The following GPC4 variants were observed in gnomAD, a reference collection of about 807,000 sequenced individuals.
The protein encoded by GPC4 is glypican-4.
GPC4 carries 10 observed loss-of-function variants against 35.0 expected under a neutral mutation model. The ratio of observed to expected loss-of-function variants is 0.29; its 90% CI spans 0.18 to 0.48. GPC4 has a LOEUF of 0.48. Ranked by LOEUF, GPC4 falls within the 20% of genes least tolerant of loss-of-function variation. The pLI, the probability that GPC4 is intolerant of heterozygous loss-of-function variation, is 0.99. For synonymous variants in GPC4, 167 were observed against 170.2 expected (o/e 0.98, Z 0.15); for missense variants, 322 against 451.3 (o/e 0.71, Z 2.60).
chrX:133,356,631 C>A (rs1007964574), intron 1 of GPC4, among the ~76,000 whole-genome samples: 13 of 111,311 alleles, frequency 1.2e-4, no homozygotes, highest in Admixed American at 9.6e-4. Context: ...GCTCCCCTTC[C>A]CCTTCCACCA....
At chrX:133,317,630 C>T (rs1034856809) in intron 3 of GPC4, among the ~76,000 whole-genome samples, 8 of 111,829 alleles carry the variant, frequency 7.2e-5, no homozygotes, top group Non-Finnish European at 1.5e-4. Flanking sequence ...TTTATTTCAC[C>T]TCCTAACATA....
rs183333923 is a variant in GPC4, at chrX:133,316,680, C to G, written c.712-5257G>C. On this transcript the variant is annotated intron_variant, in intron 3 of 8. Coordinates refer to ENST00000370828, the MANE Select transcript of GPC4 (RefSeq NM_001448.3). ...GATGAGATAACATTGTTTAGTAAAACAATAATGACTTACTGAGCCAGTGCT... is the reference window on the plus strand; with the variant it reads ...GATGAGATAACATTGTTTAGTAAAAGAATAATGACTTACTGAGCCAGTGCT... Among the ~76,000 whole-genome samples the G allele has an allele frequency of 3.6e-5, 4 of 111,595 alleles. No individual in the cohort carries two copies. In the Admixed American group the frequency reaches 3.8e-4, roughly 11 times the overall value.
intron 1 of GPC4, among the ~76,000 whole-genome samples, chrX:133,376,926 TGGAAG>T (rs2068636155): frequency 8.9e-6 from 1 of 111,871 alleles, no homozygotes; most frequent in Admixed American, 9.5e-5. Flanking sequence ...ACGCTTCTCC[TGGAAG>T]GCCTTCAACC....
At chrX:133,330,438 A>T (rs144663494) in intron 2 of GPC4, among the ~76,000 whole-genome samples, 246 of 112,167 alleles carry the variant, frequency 2.2e-3, no homozygotes, top group African/African-American at 6.6e-3. Context: ...AAAAGCATCA[A>T]GCATTTTACT....
chrX:133,399,372 T>C (rs189079470), intron 1 of GPC4, among the ~76,000 whole-genome samples: 11 of 111,831 alleles, frequency 9.8e-5, no homozygotes, highest in Non-Finnish European at 1.9e-4. Context: ...GGCCACAGTA[T>C]TGTAAACAAA....
intron 2 of GPC4, among the ~76,000 whole-genome samples, chrX:133,335,583 G>C (rs1360670829): frequency 1.8e-5 from 2 of 111,313 alleles, no homozygotes; most frequent in Non-Finnish European, 3.8e-5. Flanking sequence ...TTAGAGGTAA[G>C]GGAACTGGAG....
At chrX:133,363,984 G>T (rs1014768839) in intron 1 of GPC4, among the ~76,000 whole-genome samples, 3 of 111,609 alleles carry the variant, frequency 2.7e-5, no homozygotes, top group African/African-American at 9.8e-5. Flanking sequence ...GTGTTCCAAG[G>T]TTCATCCATG....
intron 4 of GPC4, among the ~76,000 whole-genome samples, chrX:133,306,879 G>A (rs141300222): frequency 5.5e-4 from 61 of 111,847 alleles, no homozygotes; most frequent in African/African-American, 1.9e-3. Flanking sequence ...TATCTTCACC[G>A]ATTATCCTGC....
chrX:133,334,183 T>C (rs918724537), intron 2 of GPC4, among the ~76,000 whole-genome samples: 1 of 111,913 alleles, frequency 8.9e-6, no homozygotes, highest in African/African-American at 3.2e-5. Flanking sequence ...CTGCACTGGT[T>C]AATGGCTAAT....
intron 3 of GPC4, among the ~76,000 whole-genome samples, chrX:133,313,305 A>AG (rs1396949937): frequency 8.0e-5 from 9 of 112,981 alleles, no homozygotes; most frequent in African/African-American, 2.9e-4. Flanking sequence ...CTAGCCTAAA[A>AG]GGGGGGAATA....
chrX:133,384,908 C>T (rs1277541088), intron 1 of GPC4, among the ~76,000 whole-genome samples: 1 of 112,256 alleles, frequency 8.9e-6, no homozygotes, highest in Non-Finnish European at 1.9e-5. Context: ...CAGGAAAGCA[C>T]TGCCTTTTGG....
At chrX:133,335,699 G>A (rs1041510613) in intron 2 of GPC4, among the ~76,000 whole-genome samples, 3 of 112,386 alleles carry the variant, frequency 2.7e-5, no homozygotes, top group Non-Finnish European at 5.6e-5. Flanking sequence ...GGGATAATGA[G>A]ATGATTTCTG....
chrX:133,303,355 T>C lies in GPC4; in HGVS notation c.1293-14A>G, dbSNP rs184581860. 2.5e-6 allele frequency: 3 copies of C among 1,194,017 alleles called. No individual in the cohort carries two copies. Among genetic ancestry groups the C allele is most frequent in the Admixed American group, 4.5e-5 (2 of 44,762 alleles). ...GCAAACAGGTACCTGGAATGTAAAA[T>C]GACCCCAGTAAGATGATTCGTAAAG... On this transcript the variant is annotated splice_polypyrimidine_tract_variant and intron_variant, in intron 7 of 8. Transcript: ENST00000370828.
intron 1 of GPC4, among the ~76,000 whole-genome samples, chrX:133,393,837 TTACAG>T (rs2068730670): frequency 8.9e-6 from 1 of 111,893 alleles, no homozygotes. Context: ...ATATAATAGA[TTACAG>T]TACATTAACT....
chrX:133,371,284 G>A (rs1260231315), intron 1 of GPC4, among the ~76,000 whole-genome samples: 1 of 112,172 alleles, frequency 8.9e-6, no homozygotes, highest in East Asian at 2.8e-4. Context: ...TCTCTTCCCA[G>A]AGTTTGCCAT....
At position 133,303,301 on chromosome X, in the gene GPC4, C is replaced by A. The variant is rs2068275727; in HGVS notation, c.1333G>T (p.Gly445Cys). 1 of 1,208,342 alleles carries A rather than the reference C, an allele frequency of 8.3e-7. No homozygotes were observed. Among genetic ancestry groups the A allele is most frequent in the Non-Finnish European group, 1.1e-6 (1 of 894,566 alleles). ...TCAACCTGGACCTCTGGGTTGTTGC[C>A]CTGGTTGGCTAATCCATTTCCTGTC... ...AVTGNGLANQ[G>C]NNPEVQVDTS... The change falls in exon 8 of 9, where the codon GGC becomes TGC. Residue 445 changes from glycine to cysteine, a missense_variant. Gly to Cys is a radical substitution (Grantham distance 159). Transcript: ENST00000370828.
At chrX:133,321,007 G>A (rs572399763) in intron 3 of GPC4, among the ~76,000 whole-genome samples, 4 of 111,078 alleles carry the variant, frequency 3.6e-5, no homozygotes, top group African/African-American at 1.3e-4. Context: ...GTGCCACTGC[G>A]CTCCAGCCTG....
chrX:133,363,641 CT>C (rs2068578236), intron 1 of GPC4, among the ~76,000 whole-genome samples: 1 of 111,241 alleles, frequency 9.0e-6, no homozygotes, highest in African/African-American at 3.3e-5. Context: ...GCTTGCTCCC[CT>C]CTCCAGAAAT....
intron 1 of GPC4, among the ~76,000 whole-genome samples, chrX:133,387,238 C>T (rs2068695378): frequency 1.8e-5 from 2 of 112,167 alleles, no homozygotes; most frequent in South Asian, 7.4e-4. Flanking sequence ...AGAGGCTCTA[C>T]TTTGGTCTCC....
Sources: allele counts gnomAD v4.1 joint callset (sites outside exome capture counted in the v4.1 genomes callset), GRCh38; gene constraint gnomAD v4.1.1; transcripts MANE v1.5; gene names NCBI Gene and HGNC (gene_info 2026-07-23, HGNC 2026-07-21).